The following ZNF804B variants were observed in gnomAD, a reference collection of about 807,000 sequenced individuals.
ZNF804B encodes zinc finger protein 804B.
A neutral mutation model predicts 101.4 loss-of-function variants in ZNF804B; 80 were observed. The observed-to-expected ratio is 0.79, with a 90% CI of 0.66 to 0.95. The LOEUF (loss-of-function observed/expected upper bound fraction) is 0.95, where lower values mean the gene tolerates loss of function less well. Among genes scored for constraint, ZNF804B ranks in the 40% least tolerant of loss-of-function variants. The probability of loss-of-function intolerance (pLI) is 0.00; values close to 1 mark genes in which losing one functional copy is unlikely to be tolerated. For synonymous variants in ZNF804B, 622 were observed against 558.8 expected, an observed-to-expected ratio of 1.11 and a Z score of -1.59; for missense variants, 1,673 against 1,561.9, an observed-to-expected ratio of 1.07 and a Z score of -1.20.
intron 1 of ZNF804B, among the ~76,000 whole-genome samples, chr7:89,113,209 C>T (rs1790246368): frequency 6.6e-6 from 1 of 152,046 alleles, no homozygotes; most frequent in Non-Finnish European, 1.5e-5. Context: ...AAAATGATTC[C>T]AAAAGGAACT....
chr7:88,787,198 T>A (rs1041031874), intron 1 of ZNF804B, among the ~76,000 whole-genome samples: 7 of 152,064 alleles, frequency 4.6e-5, no homozygotes, highest in African/African-American at 1.7e-4. Flanking sequence ...AACCATAAGG[T>A]GAATCTGGGT....
chr7:88,855,636 T>G (rs1435925541), intron 1 of ZNF804B, among the ~76,000 whole-genome samples: 6 of 152,334 alleles, frequency 3.9e-5, no homozygotes, highest in Admixed American at 2.0e-4. Flanking sequence ...ATTTTGGCTT[T>G]TGTTGCCATT....
intron 1 of ZNF804B, among the ~76,000 whole-genome samples, chr7:89,117,776 TA>T (rs1790332745): frequency 1.3e-5 from 2 of 152,206 alleles, no homozygotes; most frequent in Admixed American, 6.5e-5. Context: ...TGAAGGCTTG[TA>T]ATCATGTTGC....
chr7:89,220,047 A>ATATATGTATATACACATATATGTG (rs1788971499), intron 2 of ZNF804B, among the ~76,000 whole-genome samples: 2 of 38,762 alleles, frequency 5.2e-5, no homozygotes, highest in African/African-American at 2.4e-4. Flanking sequence ...ATATATGTGC[A>ATATATGTATATACACATATATGTG]TATATACATA....
intron 1 of ZNF804B, among the ~76,000 whole-genome samples, chr7:88,921,307 A>G (rs1792715418): frequency 6.6e-6 from 1 of 151,994 alleles, no homozygotes; most frequent in Admixed American, 6.6e-5. Flanking sequence ...CAAACATATA[A>G]GCACTTGAGA....
chr7:89,300,132 C>T (rs1465703546), intron 2 of ZNF804B, among the ~76,000 whole-genome samples: 1 of 151,554 alleles, frequency 6.6e-6, no homozygotes, highest in Non-Finnish European at 1.5e-5. Flanking sequence ...AGTACAGTTA[C>T]GGCCATGTCA....
At chr7:89,249,830 TA>T (rs1379680189) in intron 2 of ZNF804B, among the ~76,000 whole-genome samples, 1 of 152,052 alleles carries the variant, frequency 6.6e-6, no homozygotes, top group African/African-American at 2.4e-5. Flanking sequence ...TCTACCCAAA[TA>T]ATTTATGAAA....
intron 1 of ZNF804B, among the ~76,000 whole-genome samples, chr7:89,207,370 C>T (rs1291896939): frequency 6.6e-6 from 1 of 152,168 alleles, no homozygotes; most frequent in African/African-American, 2.4e-5. Flanking sequence ...CACATGCCTG[C>T]AGGCAAGAGG....
intron 1 of ZNF804B, among the ~76,000 whole-genome samples, chr7:88,917,452 A>G (rs574738543): frequency 1.3e-5 from 2 of 152,262 alleles, no homozygotes; most frequent in East Asian, 3.9e-4. Context: ...CATTTCTGTC[A>G]TGAACCTTCT....
intron 1 of ZNF804B, among the ~76,000 whole-genome samples, chr7:89,113,080 A>T (rs2116354854): frequency 6.6e-6 from 1 of 152,332 alleles, no homozygotes; most frequent in East Asian, 1.9e-4. Context: ...AGGAAATATA[A>T]AAATGTTCAG....
intron 1 of ZNF804B, among the ~76,000 whole-genome samples, chr7:88,771,376 A>C (rs1790058566): frequency 6.6e-6 from 1 of 152,060 alleles, no homozygotes; most frequent in South Asian, 2.1e-4. Flanking sequence ...ATAATATATA[A>C]ATTATCACTA....
At chr7:89,224,759 T>TGTGA (rs1789059643) in intron 2 of ZNF804B, among the ~76,000 whole-genome samples, 3 of 40,956 alleles carry the variant, frequency 7.3e-5, no homozygotes, top group African/African-American at 1.8e-4. Context: ...TGTATGAGTG[T>TGTGA]GTGTGTGTGT....
chr7:88,931,815 GT>G (rs944806689), intron 1 of ZNF804B, among the ~76,000 whole-genome samples: 9 of 151,454 alleles, frequency 5.9e-5, no homozygotes, highest in East Asian at 1.9e-4. Context: ...GTGATTCAAT[GT>G]TTTTTTTAAA....
At chr7:88,867,901 G>T (rs1791755730) in intron 1 of ZNF804B, among the ~76,000 whole-genome samples, 1 of 152,106 alleles carries the variant, frequency 6.6e-6, no homozygotes, top group Non-Finnish European at 1.5e-5. Flanking sequence ...AAGTGGTAGA[G>T]TCTGGCTGAA....
At chr7:88,925,651 A>G (rs932312580) in intron 1 of ZNF804B, among the ~76,000 whole-genome samples, 1 of 152,188 alleles carries the variant, frequency 6.6e-6, no homozygotes, top group Non-Finnish European at 1.5e-5. Context: ...AATAGAAAAG[A>G]GAAAAAAGTC....
rs534206528 is a variant in ZNF804B at position 89,276,987 on chromosome 7, G to A, written c.250-50357G>A. The stretch of plus-strand genomic sequence containing the variant: ...TGTTTGTGTCTTTTGGGCTATAGGT[G>A]TACATCTGGAATTTGCTAGCATTAG... On this transcript the variant is annotated intron_variant, in intron 2 of 3. Transcript: ENST00000333190. Among the ~76,000 whole-genome samples the A allele has an allele frequency of 5.5e-4, 84 of 151,396 alleles. 4 individuals carry two copies. Among genetic ancestry groups the A allele is most frequent in the African/African-American group, 1.9e-3 (79 of 41,124 alleles).
intron 3 of ZNF804B, among the ~76,000 whole-genome samples, chr7:89,329,947 G>A (rs1418067033): frequency 1.3e-5 from 2 of 151,478 alleles, no homozygotes; most frequent in East Asian, 3.9e-4. Context: ...CTTTCTGTTT[G>A]GTAAGGATGC....
chr7:89,281,377 C>T (rs372385369), intron 2 of ZNF804B, among the ~76,000 whole-genome samples: 3 of 152,104 alleles, frequency 2.0e-5, no homozygotes, highest in East Asian at 1.9e-4. Context: ...TTAAAGGTTA[C>T]TAACTAGTGC....
intron 1 of ZNF804B, among the ~76,000 whole-genome samples, chr7:89,171,353 T>TTCCTCG (rs1562904560): frequency 2.1e-5 from 2 of 94,946 alleles, no homozygotes; most frequent in Middle Eastern, 4.3e-3. Context: ...CTTCTTCTTC[T>TTCCTCG]TCTTCCTCCT....
Sources: allele counts gnomAD v4.1 joint callset (sites outside exome capture counted in the v4.1 genomes callset), GRCh38; gene constraint gnomAD v4.1.1; transcripts MANE v1.5; gene names NCBI Gene and HGNC (gene_info 2026-07-23, HGNC 2026-07-21).